Variants in PCSK2 observed in about 807,000 individuals in gnomAD.
The protein encoded by PCSK2 is neuroendocrine convertase 2.
PCSK2 carries 14 observed loss-of-function variants against 69.7 expected under a neutral mutation model. The observed-to-expected ratio is 0.20, with a 90% CI of 0.13 to 0.31. The LOEUF (loss-of-function observed/expected upper bound fraction) is 0.31. PCSK2 is among the 10% of genes least tolerant of loss of function. The pLI is 1.00. For synonymous variants in PCSK2, 307 were observed against 320.7 expected (o/e 0.96, Z 0.46); for missense variants, 544 against 842.5 (o/e 0.65, Z 4.39).
At chr20:17,340,255 T>A (rs1215796865) in intron 2 of PCSK2, among the ~76,000 whole-genome samples, 6 of 152,162 alleles carry the variant, frequency 3.9e-5, no homozygotes, top group Non-Finnish European at 7.3e-5. Flanking sequence ...GCAGTAGCAT[T>A]TGCTGTTGAG....
chr20:17,399,421 G>A (rs1230657476), intron 5 of PCSK2, among the ~76,000 whole-genome samples: 1 of 152,050 alleles, frequency 6.6e-6, no homozygotes, highest in East Asian at 1.9e-4. Context: ...TATTTTAAAG[G>A]GAAACTATAA....
chr20:17,301,233 A>G (rs1237199084), intron 2 of PCSK2, among the ~76,000 whole-genome samples: 1 of 152,190 alleles, frequency 6.6e-6, no homozygotes, highest in Non-Finnish European at 1.5e-5. Flanking sequence ...CTGGATGTGG[A>G]TGCCAAGAGT....
intron 5 of PCSK2, among the ~76,000 whole-genome samples, chr20:17,384,221 C>T (rs1400077526): frequency 6.6e-6 from 1 of 152,036 alleles, no homozygotes; most frequent in African/African-American, 2.4e-5. Context: ...ATCTTAGAAT[C>T]CAGTAATCTA....
At chr20:17,451,915 C>CTTTTT (rs34323701) in intron 8 of PCSK2, among the ~76,000 whole-genome samples, 36 of 101,598 alleles carry the variant, frequency 3.5e-4, no homozygotes, top group African/African-American at 5.0e-4. Context: ...TTGTACTTTG[C>CTTTTT]TTTTTTTTTT....
chr20:17,244,741 A>G (rs1291711537), intron 1 of PCSK2, among the ~76,000 whole-genome samples: 2 of 152,164 alleles, frequency 1.3e-5, no homozygotes, highest in Admixed American at 6.5e-5. Context: ...CCCTTCACCA[A>G]AAAACTCTTA....
intron 2 of PCSK2, among the ~76,000 whole-genome samples, chr20:17,265,981 G>A (rs903759107): frequency 1.3e-5 from 2 of 152,192 alleles, no homozygotes; most frequent in Admixed American, 6.5e-5. Context: ...AAAAAACTAA[G>A]TGAGAATTGA....
At chr20:17,321,839 T>C (rs144606247) in intron 2 of PCSK2, among the ~76,000 whole-genome samples, 57 of 152,290 alleles carry the variant, frequency 3.7e-4, no homozygotes, top group African/African-American at 1.3e-3. Flanking sequence ...GTATCAGGCA[T>C]AGATTTATTC....
chr20:17,324,783 T>C (rs1295575527), intron 2 of PCSK2, among the ~76,000 whole-genome samples: 2 of 152,146 alleles, frequency 1.3e-5, no homozygotes, highest in Non-Finnish European at 2.9e-5. Flanking sequence ...CCACAGTGCA[T>C]GGAGAAAGGT....
intron 10 of PCSK2, chr20:17,463,286 T>C (rs1036915080): frequency 2.6e-4 from 39 of 152,140 alleles, no homozygotes; most frequent in African/African-American, 8.9e-4. Context: ...GTCATTTAGA[T>C]CCTCATTTGT....
intron 1 of PCSK2, among the ~76,000 whole-genome samples, chr20:17,236,281 A>G (rs1986334954): frequency 6.6e-6 from 1 of 152,144 alleles, no homozygotes; most frequent in African/African-American, 2.4e-5. Context: ...TAAATATGCT[A>G]TACAAAGGAG....
At chr20:17,399,783 A>G (rs780954094) in intron 5 of PCSK2, among the ~76,000 whole-genome samples, 17 of 152,230 alleles carry the variant, frequency 1.1e-4, no homozygotes, top group Non-Finnish European at 1.6e-4. Context: ...AGGGGCCACC[A>G]GGTAGTGTTG....
At chr20:17,470,332 G>C (rs1684902811) in intron 11 of PCSK2, among the ~76,000 whole-genome samples, 1 of 152,152 alleles carries the variant, frequency 6.6e-6, no homozygotes, top group Admixed American at 6.5e-5. Flanking sequence ...AATTTAAATA[G>C]CAACATGTGG....
At chr20:17,388,080 TC>T (rs2031283000) in intron 5 of PCSK2, among the ~76,000 whole-genome samples, 1 of 152,100 alleles carries the variant, frequency 6.6e-6, no homozygotes, top group Non-Finnish European at 1.5e-5. Context: ...AGGAACATGC[TC>T]AGCCCTTTCA....
intron 6 of PCSK2, among the ~76,000 whole-genome samples, chr20:17,419,556 C>T (rs1312563766): frequency 6.6e-6 from 1 of 152,184 alleles, no homozygotes; most frequent in Admixed American, 6.5e-5. Flanking sequence ...CAGGATTTAG[C>T]ATCACATTTT....
chr20:17,335,077 G>C lies in PCSK2; in HGVS notation c.283-23250G>C, dbSNP rs141477158. 7.4e-3 allele frequency among the ~76,000 whole-genome samples: 1,131 copies of C among 152,342 alleles called. 9 individuals are homozygous for C. Among genetic ancestry groups the C allele is most frequent in the Non-Finnish European group, 0.012 (808 of 68,040 alleles). ...GTGTAGCAAATTACCCCAGAGCCTA[G>C]AGAAGAAAGGAAACCACAGTTTTTT... On this transcript the variant is annotated intron_variant, in intron 2 of 11. Coordinates refer to ENST00000262545, the MANE Select transcript of PCSK2 (RefSeq NM_002594.5).
chr20:17,333,910 C>CATATATATCTATATATATATAT (rs1990270915), intron 2 of PCSK2, among the ~76,000 whole-genome samples: 1 of 86,372 alleles, frequency 1.2e-5, no homozygotes, highest in Non-Finnish European at 2.4e-5. Flanking sequence ...TAAGTCACTG[C>CATATATATCTATATATATATAT]ATATATATAT....
intron 6 of PCSK2, among the ~76,000 whole-genome samples, chr20:17,411,907 G>A (rs1285947690): frequency 6.6e-6 from 1 of 152,232 alleles, no homozygotes; most frequent in Non-Finnish European, 1.5e-5. Flanking sequence ...AGGGTCTGGA[G>A]TGGGCCTCCA....
intron 6 of PCSK2, among the ~76,000 whole-genome samples, chr20:17,428,603 G>A (rs150756705): frequency 1.7e-4 from 26 of 152,272 alleles, no homozygotes; most frequent in African/African-American, 6.0e-4. Flanking sequence ...TTTGAACAGT[G>A]AGTGGAAAGA....
chr20:17,276,144 GT>G (rs2123035045), intron 2 of PCSK2, among the ~76,000 whole-genome samples: 1 of 152,190 alleles, frequency 6.6e-6, no homozygotes, highest in African/African-American at 2.4e-5. Context: ...CTGTCCTTTA[GT>G]AATTCTACAT....
Sources: allele counts gnomAD v4.1 joint callset (sites outside exome capture counted in the v4.1 genomes callset), GRCh38; gene constraint gnomAD v4.1.1; transcripts MANE v1.5; gene names NCBI Gene and HGNC (gene_info 2026-07-23, HGNC 2026-07-21).